The following CNTNAP5 variants were observed in gnomAD, a reference collection of about 807,000 sequenced individuals.
The protein encoded by CNTNAP5 is contactin-associated protein-like 5.
CNTNAP5 carries 72 observed loss-of-function variants against 150.2 expected under a neutral mutation model. The observed-to-expected ratio is 0.48, with a 90% CI of 0.40 to 0.58. The LOEUF is 0.58. CNTNAP5 is among the 20% of genes least tolerant of loss of function. CNTNAP5 has a pLI of 0.00. For missense variants in CNTNAP5, 1,636 were observed against 1,626.2 expected, an observed-to-expected ratio of 1.01 and a Z score of -0.10; for synonymous variants, 672 against 619.8, an observed-to-expected ratio of 1.08 and a Z score of -1.25.
intron 4 of CNTNAP5, among the ~76,000 whole-genome samples, chr2:124,421,009 T>C (rs138045660): frequency 7.9e-5 from 12 of 152,364 alleles, no homozygotes; most frequent in Non-Finnish European, 1.0e-4. Context: ...TCAGCAGTAC[T>C]TGATTCAAAA....
chr2:124,711,342 G>A (rs1679803717), intron 13 of CNTNAP5, among the ~76,000 whole-genome samples: 1 of 151,878 alleles, frequency 6.6e-6, no homozygotes, highest in Non-Finnish European at 1.5e-5. Context: ...AGAGGGAATG[G>A]CACCCACACA....
intron 22 of CNTNAP5, among the ~76,000 whole-genome samples, chr2:124,909,343 G>T (rs1678606158): frequency 6.6e-6 from 1 of 152,162 alleles, no homozygotes; most frequent in Admixed American, 6.5e-5. Context: ...CGTGTAGCCT[G>T]GGGGCAATAG....
intron 13 of CNTNAP5, among the ~76,000 whole-genome samples, chr2:124,694,672 T>C (rs751133954): frequency 1.3e-5 from 2 of 152,194 alleles, no homozygotes; most frequent in African/African-American, 2.4e-5. Context: ...TTTACTGGCA[T>C]AGAGGATGCA....
intron 8 of CNTNAP5, among the ~76,000 whole-genome samples, chr2:124,508,631 A>G (rs1302169654): frequency 6.6e-6 from 1 of 152,222 alleles, no homozygotes; most frequent in East Asian, 1.9e-4. Flanking sequence ...AAGGGAACAA[A>G]TCATCAGTTA....
chr2:124,028,562 T>C (rs1680960067), intron 1 of CNTNAP5, among the ~76,000 whole-genome samples: 2 of 152,144 alleles, frequency 1.3e-5, no homozygotes, highest in Admixed American at 6.5e-5. Flanking sequence ...TTTCAGGATA[T>C]TAAATAGCTA....
chr2:124,395,540 G>A (rs1691223352), intron 3 of CNTNAP5, among the ~76,000 whole-genome samples: 1 of 152,030 alleles, frequency 6.6e-6, no homozygotes, highest in Non-Finnish European at 1.5e-5. Flanking sequence ...AAAGGAGTCA[G>A]TAGTTGACAT....
At chr2:124,647,662 A>T in intron 12 of CNTNAP5, 96 bp from the exon 13 acceptor site, 2 of 1,123,104 alleles carry the variant, frequency 1.8e-6, no homozygotes, top group Non-Finnish European at 2.5e-6. Context: ...AGTGTTGATT[A>T]ATGTTGCACG....
rs373903091 is a variant in CNTNAP5 at position 124,285,022 on chromosome 2, G to A, written c.381+42629G>A. ...AGCCTCAATCTCCTCGGCTCAAGCA[G>A]TCCTCCCACCTCAGCCTTCTCAGTA... On this transcript the variant is annotated intron_variant, in intron 3 of 23. Coordinates refer to ENST00000682447, the MANE Select transcript of CNTNAP5 (RefSeq NM_001367498.1). 9.2e-5 allele frequency among the ~76,000 whole-genome samples: 14 copies of A among 152,220 alleles called. No individual in the cohort carries two copies. The East Asian group carries it at 1.6e-3, about 17-fold the overall frequency.
At chr2:124,070,550 C>T (rs1240076752) in intron 1 of CNTNAP5, among the ~76,000 whole-genome samples, 1 of 151,682 alleles carries the variant, frequency 6.6e-6, no homozygotes, top group Non-Finnish European at 1.5e-5. Flanking sequence ...AGTAGCTATA[C>T]TGGCATCAGA....
chr2:124,641,884 T>C (rs1678101647), intron 12 of CNTNAP5, among the ~76,000 whole-genome samples: 1 of 150,760 alleles, frequency 6.6e-6, no homozygotes, highest in African/African-American at 2.4e-5. Context: ...ATCAGAGTTA[T>C]TTCTTGTGTC....
At chr2:124,823,009 C>T (rs747192363) in intron 19 of CNTNAP5, among the ~76,000 whole-genome samples, 13 of 152,106 alleles carry the variant, frequency 8.5e-5, no homozygotes, top group African/African-American at 1.7e-4. Context: ...TTGTCTTCAA[C>T]GAGCTCATAG....
At chr2:124,115,357 T>C (rs1442694399) in intron 1 of CNTNAP5, among the ~76,000 whole-genome samples, 2 of 152,198 alleles carry the variant, frequency 1.3e-5, no homozygotes, top group Non-Finnish European at 1.5e-5. Flanking sequence ...CTTAGGAATT[T>C]CGGACTGAAA....
rs200429155 is a variant in CNTNAP5, at chr2:124,264,389, TACAC to T, written c.381+22037_381+22040del. Among the ~76,000 whole-genome samples, 391 of 126,614 alleles carry T rather than the reference TACAC, an allele frequency of 3.1e-3. 3 individuals carry two copies. The highest frequency in any genetic ancestry group is 7.9e-3 in the African/African-American group (283 of 35,894). 83.1% of individuals were successfully genotyped at this position (126,614 alleles called of 152,430 possible). ...ACACACACAGGCACACACACACACA[TACAC>T]ACACACACACACACACACACACACA... On this transcript the variant is annotated intron_variant, in intron 3 of 23. Transcript: ENST00000682447.
intron 13 of CNTNAP5, among the ~76,000 whole-genome samples, chr2:124,686,377 T>C (rs1038572517): frequency 6.6e-6 from 1 of 152,140 alleles, no homozygotes; most frequent in Non-Finnish European, 1.5e-5. Flanking sequence ...GGAAGCAAAT[T>C]AGTCTTGTGG....
chr2:124,707,123 A>AAAGAAG (rs138452597), intron 13 of CNTNAP5, among the ~76,000 whole-genome samples: 2 of 73,198 alleles, frequency 2.7e-5, no homozygotes, highest in African/African-American at 1.1e-4. Flanking sequence ...GAAGAAGAAG[A>AAAGAAG]AAGAAGAAGA....
rs73954558 is a variant in CNTNAP5 at position 124,111,422 on chromosome 2, G to A, written c.82+85690G>A. ...GGTTGTTTCATACATTTGTAGCTTGGCATGACTGATTCTGACATTGCTAAT... is the reference window on the plus strand; with the variant it reads ...GGTTGTTTCATACATTTGTAGCTTGACATGACTGATTCTGACATTGCTAAT... On this transcript the variant is annotated intron_variant, in intron 1 of 23. Coordinates refer to ENST00000682447, the MANE Select transcript of CNTNAP5 (RefSeq NM_001367498.1). 9.7e-3 allele frequency among the ~76,000 whole-genome samples: 1,474 copies of A among 152,174 alleles called. 23 individuals carry two copies. Among genetic ancestry groups the A allele is most frequent in the African/African-American group, 0.034 (1,408 of 41,526 alleles).
chr2:124,405,274 G>A (rs964531048), intron 3 of CNTNAP5, among the ~76,000 whole-genome samples: 28 of 152,236 alleles, frequency 1.8e-4, no homozygotes, highest in African/African-American at 6.5e-4. Flanking sequence ...GTGGAGGGGC[G>A]GGAACAGGGT....
intron 1 of CNTNAP5, among the ~76,000 whole-genome samples, chr2:124,138,953 CT>C (rs1684040115): frequency 6.6e-6 from 1 of 152,080 alleles, no homozygotes; most frequent in Non-Finnish European, 1.5e-5. Context: ...CTAGAACACT[CT>C]TGGCCTAACT....
chr2:124,573,722 A>G (rs1348363800), intron 11 of CNTNAP5, among the ~76,000 whole-genome samples: 3 of 152,222 alleles, frequency 2.0e-5, no homozygotes, highest in African/African-American at 7.2e-5. Context: ...ATACATACAT[A>G]AAAAATTCAA....
Sources: gnomAD v4.1 joint callset for allele counts (sites outside exome capture counted in the v4.1 genomes callset) on GRCh38, gnomAD v4.1.1 for gene constraint, MANE v1.5 for transcripts, NCBI Gene and HGNC (gene_info 2026-07-23, HGNC 2026-07-21) for gene names.